Variants in SLC43A1 observed in about 807,000 individuals in gnomAD.
The protein encoded by SLC43A1 is solute carrier family 43 member 1.
Under a neutral mutation model 59.5 loss-of-function variants are expected in SLC43A1, and 31 were observed. The observed-to-expected ratio is 0.52, with a 90% CI of 0.39 to 0.70. The LOEUF (loss-of-function observed/expected upper bound fraction) is 0.70, where lower values mean the gene tolerates loss of function less well. Ranked by LOEUF, SLC43A1 falls within the 30% of genes least tolerant of loss-of-function variation. The probability of loss-of-function intolerance (pLI) is 0.00; values close to 1 mark genes in which losing one functional copy is unlikely to be tolerated. For synonymous variants in SLC43A1, 259 were observed against 290.9 expected, an observed-to-expected ratio of 0.89 and a Z score of 1.12; for missense variants, 598 against 717.8, an observed-to-expected ratio of 0.83 and a Z score of 1.91.
At chr11:57,487,477 C>T (rs1943775268) in intron 13 of SLC43A1, among the ~76,000 whole-genome samples, 1 of 152,180 alleles carries the variant, frequency 6.6e-6, no homozygotes, top group Non-Finnish European at 1.5e-5. Context: ...ACTTCCTCCA[C>T]TAATAACAGG....
Position 57,500,971 on chromosome 11 carries a change from G to A in SLC43A1, c.388+17C>T. 1 of 1,597,900 alleles carries A rather than the reference G, an allele frequency of 6.3e-7. No homozygotes were observed. The highest frequency in any genetic ancestry group is 8.5e-7 in the Non-Finnish European group (1 of 1,171,856). On this transcript the variant is annotated intron_variant, in intron 4 of 14. Transcript: ENST00000278426. ...CTATTCTTTTCTTGTGGGGCCACAA[G>A]AGGACAGACAACTCACCTTCCACGT... is the stretch of plus-strand genomic sequence containing the variant.
In SLC43A1 at chr11:57,485,138, C is replaced by T. The variant is rs764311022; in HGVS notation, c.1638G>A (p.Met546Ile). 65 of 1,613,990 alleles carry T rather than the reference C, an allele frequency of 4.0e-5. No individual in the cohort carries two copies. Among genetic ancestry groups the T allele is most frequent in the Non-Finnish European group, 5.4e-5 (64 of 1,180,022 alleles). ...AGCCGCTAAGCACCTTCAGTGGGCC[C>T]ATCCCATTGGCGGCGTACTCCTGCT... The part of the protein sequence containing the change: ...RLQQEYAANG[M>I]GPLKVLSGSE... The change falls in exon 15 of 15, where the codon ATG (methionine) becomes ATA (isoleucine). Residue 546 changes from methionine (M) to isoleucine (I), a missense_variant. Met to Ile is a conservative substitution (Grantham distance 10). Coordinates refer to ENST00000278426, the MANE Select transcript of SLC43A1 (RefSeq NM_003627.6).
Position 57,491,279 on chromosome 11 carries a change from G to T in SLC43A1, c.1138C>A (p.Arg380=). The T allele has an allele frequency of 6.2e-7, 1 of 1,611,206 alleles. No homozygotes were observed. The highest frequency in any genetic ancestry group is 1.1e-5 in the South Asian group (1 of 90,678). ...CPLIGYIMDW[R]IKDCVDAPTQ... is the part of the protein sequence containing the mutation. Reference sequence around the variant, plus strand: ...GGGGCGTCCACGCAGTCCTTGATCCGCCAGTCCATGATGTAGCCAATGAGG... The same window carrying T: ...GGGGCGTCCACGCAGTCCTTGATCCTCCAGTCCATGATGTAGCCAATGAGG... Residue 380 remains arginine (R), a synonymous_variant, in exon 11 of 15, where the codon CGG becomes AGG. Coordinates refer to ENST00000278426, the MANE Select transcript of SLC43A1 (RefSeq NM_003627.6).
At position 57,497,792 on chromosome 11, in the gene SLC43A1, G is replaced by A. The variant is rs1046821481; in HGVS notation, c.519C>T (p.Gly173=). 3 of 1,613,748 alleles carry A rather than the reference G, an allele frequency of 1.9e-6. No homozygotes were observed. The African/African-American group carries it at 4.0e-5, about 22-fold the overall frequency. Residue 173 remains glycine, a synonymous_variant, in exon 6 of 15, where the codon GGC becomes GGT. Coordinates refer to ENST00000278426, the MANE Select transcript of SLC43A1 (RefSeq NM_003627.6). ...ACGTAATGGCAGAAGAGGCGTAAGA[G>A]CCAATCATGAGGGCCATTAACGTGG... ...LRSTLMALMI[G]SYASSAITFP... is the part of the protein sequence containing the mutation.
Position 57,497,857 on chromosome 11 carries a change from A to G in SLC43A1, c.466-12T>C, listed in dbSNP as rs761636094. On this transcript the variant is annotated splice_polypyrimidine_tract_variant and intron_variant, in intron 5 of 14. Transcript: ENST00000278426. Reference sequence around the variant, plus strand: ...AACATGTTGGGCAGCTGAGGAGGGAAAGCAGCACCCATGAGGTGGGGACAC... The same window carrying G: ...AACATGTTGGGCAGCTGAGGAGGGAGAGCAGCACCCATGAGGTGGGGACAC... 2 of 1,609,470 alleles carry G rather than the reference A, an allele frequency of 1.2e-6. No individual in the cohort carries two copies. Among genetic ancestry groups the G allele is most frequent in the Non-Finnish European group, 8.5e-7 (1 of 1,177,066 alleles).
In SLC43A1 at chr11:57,492,258, T is replaced by TTA. The variant is rs1306643868; in HGVS notation, c.872-398_872-397dup. Reference sequence around the variant, plus strand: ...TTATATACAGAAATTATATATATATTTATATATATAAATATACATATATAT... The same window carrying TTA: ...TTATATACAGAAATTATATATATATTTATATATATATAAATATACATATATAT... On this transcript the variant is annotated intron_variant, in intron 8 of 14. Transcript: ENST00000278426. Among the ~76,000 whole-genome samples the TTA allele has an allele frequency of 7.9e-5, 11 of 139,128 alleles. No homozygotes were observed. The East Asian group carries it at 1.6e-3, about 20-fold the overall frequency. The allele number at this position is 139,128 out of a possible 152,430, so 91.3% of individuals were successfully genotyped here.
At chr11:57,487,253 G>A in intron 13 of SLC43A1, 35 bp from the exon 14 acceptor site, 1 of 1,598,758 alleles carries the variant, frequency 6.3e-7, no homozygotes, top group South Asian at 1.1e-5. Flanking sequence ...GGGGTGTGTG[G>A]CCCTCTCCAG....
At chr11:57,487,472 C>T (rs1430498567) in intron 13 of SLC43A1, among the ~76,000 whole-genome samples, 1 of 152,182 alleles carries the variant, frequency 6.6e-6, no homozygotes, top group Non-Finnish European at 1.5e-5. Flanking sequence ...GCCCCACTTC[C>T]TCCACTAATA....
At chr11:57,503,234 C>G (rs1425867198) in intron 2 of SLC43A1, among the ~76,000 whole-genome samples, 2 of 150,598 alleles carry the variant, frequency 1.3e-5, no homozygotes, top group East Asian at 3.9e-4. Flanking sequence ...ACCACACAGC[C>G]TTTGGGGATC....
chr11:57,491,940 G>T (rs929301671), intron 8 of SLC43A1, 78 bp from the exon 9 acceptor site: 3 of 1,397,938 alleles, frequency 2.1e-6, no homozygotes, highest in Non-Finnish European at 3.0e-6. Context: ...TGCAGTTCTT[G>T]GGGGGAGTGA....
intron 2 of SLC43A1, 79 bp from the exon 3 acceptor site, chr11:57,501,408 G>A (rs1288695980): frequency 8.7e-6 from 13 of 1,496,380 alleles, no homozygotes; most frequent in South Asian, 2.3e-5. Flanking sequence ...ACAGTCAGGC[G>A]GCCTGCTTTC....
At chr11:57,494,897 G>C (rs1001025330) in intron 7 of SLC43A1, among the ~76,000 whole-genome samples, 12 of 150,108 alleles carry the variant, frequency 8.0e-5, no homozygotes, top group Non-Finnish European at 1.5e-4. Flanking sequence ...TGCCCAGGCT[G>C]GAGTGCAATG....
chr11:57,495,807 G>A (rs1210023746), intron 7 of SLC43A1, among the ~76,000 whole-genome samples: 1 of 152,124 alleles, frequency 6.6e-6, no homozygotes, highest in African/African-American at 2.4e-5. Context: ...CTGAGTGACA[G>A]AGCAAGACAC....
At chr11:57,488,494 T>C (rs557725044) in intron 13 of SLC43A1, among the ~76,000 whole-genome samples, 1 of 152,292 alleles carries the variant, frequency 6.6e-6, no homozygotes, top group African/African-American at 2.4e-5. Context: ...TGTAATGTCC[T>C]GTTACTCCAT....
Position 57,514,831 on chromosome 11 carries a change from C to G in SLC43A1, c.-14+613G>C. 3.0e-6 allele frequency: 3 copies of G among 985,576 alleles called. No homozygotes were observed. The highest frequency in any genetic ancestry group is 9.4e-5 in the South Asian group (2 of 21,292). The allele number at this position is 985,576 out of a possible 1,614,324, so 61.1% of individuals were successfully genotyped here. Reference sequence around the variant, plus strand: ...TTGCACCTCGGAACCCGCTTGCCCCCCTCCAGCCCCGGGAGGGGGCTCGGA... The same window carrying G: ...TTGCACCTCGGAACCCGCTTGCCCCGCTCCAGCCCCGGGAGGGGGCTCGGA... On this transcript the variant is annotated intron_variant, in intron 1 of 14. Transcript: ENST00000278426. The surrounding 1 kb of genome is among the most constrained non-coding windows in gnomAD (Gnocchi z 5.5).
intron 2 of SLC43A1, among the ~76,000 whole-genome samples, chr11:57,509,645 GGAA>G (rs1258262699): frequency 2.3e-3 from 307 of 132,672 alleles, no homozygotes; most frequent in African/African-American, 6.2e-3. Flanking sequence ...AAGGAAGGAA[GGAA>G]GGAGGGAGGG....
intron 5 of SLC43A1, 107 bp downstream of exon 5, chr11:57,500,672 G>T: frequency 1.1e-6 from 1 of 933,828 alleles, no homozygotes; most frequent in Non-Finnish European, 1.7e-6. Context: ...AGTGATCTGC[G>T]TCCACAGGCC....
chr11:57,512,403 CCAACATGGTGAAAGCCCGTCT>C (rs1351525796), intron 2 of SLC43A1, among the ~76,000 whole-genome samples: 1 of 151,984 alleles, frequency 6.6e-6, no homozygotes, highest in Non-Finnish European at 1.5e-5. Flanking sequence ...ACCAGCCTGG[CCAACATGGTGAAAGCCCGTCT>C]CTACTAAAAA....
At position 57,500,846 on chromosome 11, in the gene SLC43A1, G is replaced by A. The variant is rs202015221; in HGVS notation, c.398C>T (p.Pro133Leu). 2.1e-5 allele frequency: 34 copies of A among 1,614,198 alleles called. No individual in the cohort carries two copies. Among genetic ancestry groups the A allele is most frequent in the African/African-American group, 5.3e-5 (4 of 75,066 alleles). Reference sequence around the variant, plus strand: ...CAGGGACAGCGCCAGGAATATCAACGGAGACAGAGCTGGAAAGGGGAAAGC... The same window carrying A: ...CAGGGACAGCGCCAGGAATATCAACAGAGACAGAGCTGGAAAGGGGAAAGC... ...LASRDVEALS[P>L]LIFLALSLNG... is the part of the protein sequence containing the mutation. The change falls in exon 5 of 15, where the codon CCG becomes CTG. Residue 133 changes from proline (P) to leucine (L), a missense_variant. Physicochemically the swap from Pro to Leu is moderately conservative, Grantham distance 98. Coordinates refer to ENST00000278426, the MANE Select transcript of SLC43A1 (RefSeq NM_003627.6).
Sources: allele counts gnomAD v4.1 joint callset (sites outside exome capture counted in the v4.1 genomes callset), GRCh38; gene constraint gnomAD v4.1.1; non-coding constraint Gnocchi (gnomAD v3.1); transcripts MANE v1.5; gene names NCBI Gene and HGNC (gene_info 2026-07-23, HGNC 2026-07-21).